The following KLHDC4 variants were observed in gnomAD, a reference collection of about 807,000 sequenced individuals.
KLHDC4 encodes kelch domain-containing protein 4.
In KLHDC4, 90 loss-of-function variants were observed where a neutral mutation model predicts 62.4. The ratio of observed to expected loss-of-function variants is 1.44; its 90% CI spans 1.22 to 1.72. The LOEUF is 1.72. KLHDC4 is among the 40% of genes most tolerant of loss of function. KLHDC4 has a pLI of 0.00. For synonymous variants in KLHDC4, 386 were observed against 284.4 expected (o/e 1.36, Z -3.59); for missense variants, 1,025 against 699.7 (o/e 1.47, Z -5.25).
At chr16:87,713,984 G>C (rs964793530) in intron 8 of KLHDC4, among the ~76,000 whole-genome samples, 1 of 152,200 alleles carries the variant, frequency 6.6e-6, no homozygotes, top group South Asian at 2.1e-4. Flanking sequence ...GCCAATAGCA[G>C]TCTCGGTGAT....
exon 1 of KLHDC4, chr16:87,699,903 A>G (rs544148088): frequency 6.6e-6 from 1 of 152,382 alleles, no homozygotes; most frequent in East Asian, 1.9e-4. Flanking sequence ...AAGGCGCTGC[A>G]GACCTAAAGT....
At chr16:87,755,573 TTTTTG>T (rs1315341921) in intron 3 of KLHDC4, 1 of 259,768 alleles carries the variant, frequency 3.8e-6, no homozygotes, top group South Asian at 4.6e-5. Context: ...AGTTTTTTTG[TTTTTG>T]TTTTGTTTGA....
intron 5 of KLHDC4, among the ~76,000 whole-genome samples, chr16:87,737,927 C>A (rs927700372): frequency 6.6e-5 from 10 of 152,170 alleles, no homozygotes; most frequent in Non-Finnish European, 1.5e-5. Context: ...CACCTCCGTC[C>A]TATCAGAGAT....
chr16:87,756,264 C>G (rs1429109648), intron 3 of KLHDC4, 135 bp downstream of exon 3: 3 of 649,904 alleles, frequency 4.6e-6, no homozygotes, highest in Non-Finnish European at 8.2e-6. Context: ...CGTCTCACAT[C>G]AGGCCTGACG....
rs1431386490 is a variant in KLHDC4 at position 87,748,768 on chromosome 16, A to C, written c.411T>G (p.Phe137Leu). The change falls in exon 5 of 12, where the codon TTT becomes TTG. Residue 137 changes from phenylalanine (F) to leucine (L), a missense_variant. By Grantham distance (22) the Phe-to-Leu change is conservative. Coordinates refer to ENST00000270583, the MANE Select transcript of KLHDC4 (RefSeq NM_017566.4). ...VPQGGGQLWV[F>L]GGEFASPNGE... is the part of the protein sequence containing the mutation. ...CGTTGGGAGAGGCAAACTCCCCTCC[A>C]AAGACCCACAGCTGTCCGCCACCTT... 1.9e-6 allele frequency: 3 copies of C among 1,613,042 alleles called. No homozygotes were observed. In the East Asian group the frequency reaches 6.7e-5, roughly 36 times the overall value.
chr16:87,742,224 A>C (rs1055151537), intron 5 of KLHDC4, among the ~76,000 whole-genome samples: 2 of 152,174 alleles, frequency 1.3e-5, no homozygotes, highest in African/African-American at 4.8e-5. Context: ...ACCGCAGCCC[A>C]GCCCATGAAA....
At chr16:87,728,356 G>A (rs1321528712) in intron 6 of KLHDC4, among the ~76,000 whole-genome samples, 8 of 152,114 alleles carry the variant, frequency 5.3e-5, no homozygotes, top group African/African-American at 1.4e-4. Flanking sequence ...CAGATTTCAC[G>A]TCGCAGATTT....
At chr16:87,755,964 G>A (rs2044820274) in intron 3 of KLHDC4, 1 of 163,098 alleles carries the variant, frequency 6.1e-6, no homozygotes, top group South Asian at 1.6e-4. Context: ...GTGAGCTCCT[G>A]CTTTTGTGTG....
At chr16:87,760,527 A>AACCCGGGAGGCAGAGCTTGC (rs2045709386) in intron 2 of KLHDC4, among the ~76,000 whole-genome samples, 2 of 150,422 alleles carry the variant, frequency 1.3e-5, no homozygotes. Flanking sequence ...GAATGGCGTG[A>AACCCGGGAGGCAGAGCTTGC]ACCCGGGAGG....
At position 87,738,717 on chromosome 16, in the gene KLHDC4, A is replaced by G. The variant is rs1250779354; in HGVS notation, c.507-8073T>C. Among the ~76,000 whole-genome samples, 17 of 119,210 alleles carry G rather than the reference A, an allele frequency of 1.4e-4. 1 individual carries two copies. The highest frequency in any genetic ancestry group is 1.2e-3 in the East Asian group (4 of 3,300). The allele number at this position is 119,210 out of a possible 152,430, so 78.2% of individuals were successfully genotyped here. ...CCACACACCAGCACCTCATCCACCC[A>G]CACACCAGCACCTCATCCATCCACA... On this transcript the variant is annotated intron_variant, in intron 5 of 11. Coordinates refer to ENST00000270583, the MANE Select transcript of KLHDC4 (RefSeq NM_017566.4).
downstream of KLHDC4, among the ~76,000 whole-genome samples, chr16:87,706,782 TGA>T (rs1204788209): frequency 1.3e-5 from 2 of 152,142 alleles, no homozygotes; most frequent in South Asian, 2.1e-4. Context: ...GAGATGATCC[TGA>T]GAGGCGACAC....
At chr16:87,733,782 G>A (rs898100980) in intron 5 of KLHDC4, among the ~76,000 whole-genome samples, 3 of 150,728 alleles carry the variant, frequency 2.0e-5, no homozygotes, top group African/African-American at 7.4e-5. Context: ...GATCCTCACT[G>A]ATGACCTGCC....
At chr16:87,730,530 T>C in intron 6 of KLHDC4, 22 bp downstream of exon 6, 1 of 1,587,442 alleles carries the variant, frequency 6.3e-7, no homozygotes, top group South Asian at 1.1e-5. Flanking sequence ...GAGAGAAAGA[T>C]TTTTCCGTTC....
chr16:87,699,279 GAAAC>G (rs1279615000), exon 1 of KLHDC4: 2 of 152,284 alleles, frequency 1.3e-5, no homozygotes, highest in African/African-American at 4.8e-5. Context: ...TTCGGGAACT[GAAAC>G]AGTCTCTTTA....
intron 8 of KLHDC4, among the ~76,000 whole-genome samples, chr16:87,713,780 G>A (rs1005360497): frequency 5.3e-5 from 8 of 152,188 alleles, no homozygotes; most frequent in Non-Finnish European, 1.0e-4. Flanking sequence ...CTGTCCCCTA[G>A]GTCATCCCAT....
chr16:87,755,085 G>A (rs894288545), intron 4 of KLHDC4, 109 bp downstream of exon 4: 289 of 698,306 alleles, frequency 4.1e-4, no homozygotes, highest in Non-Finnish European at 6.5e-5. Flanking sequence ...GCGATCTACA[G>A]GGCCCAGCCC....
chr16:87,716,632 G>A (rs927695996), intron 7 of KLHDC4, among the ~76,000 whole-genome samples: 1 of 152,156 alleles, frequency 6.6e-6, no homozygotes, highest in Non-Finnish European at 1.5e-5. Context: ...AATAGTGTTA[G>A]AAACCAAGAA....
intron 7 of KLHDC4, among the ~76,000 whole-genome samples, chr16:87,725,498 G>A (rs1173221690): frequency 6.6e-6 from 1 of 152,204 alleles, no homozygotes; most frequent in East Asian, 1.9e-4. Flanking sequence ...CAGGATCTAG[G>A]AGGAGTATAC....
chr16:87,703,901 G>A (rs960302882), downstream of KLHDC4, among the ~76,000 whole-genome samples: 6 of 152,206 alleles, frequency 3.9e-5, no homozygotes, highest in African/African-American at 9.7e-5. Context: ...TGCAACCTGC[G>A]CCGGGAGCCA....
Sources: gnomAD v4.1 joint callset for allele counts (sites outside exome capture counted in the v4.1 genomes callset) on GRCh38, gnomAD v4.1.1 for gene constraint, MANE v1.5 for transcripts, NCBI Gene and HGNC (gene_info 2026-07-23, HGNC 2026-07-21) for gene names.